Variants in MFSD11 observed in about 807,000 individuals in gnomAD.
The protein encoded by MFSD11 is major facilitator superfamily domain containing 11, also known as UNC93-like protein MFSD11.
MFSD11 carries 36 observed loss-of-function variants against 53.5 expected under a neutral mutation model. The observed-to-expected ratio is 0.67, with a 90% CI of 0.52 to 0.89. MFSD11 has a LOEUF of 0.89. Ranked by LOEUF, MFSD11 falls within the 40% of genes least tolerant of loss-of-function variation. The pLI is 0.00. For synonymous variants in MFSD11, 186 were observed against 184.9 expected (o/e 1.01, Z -0.05); for missense variants, 530 against 543.9 (o/e 0.97, Z 0.25).
chr17:76,780,534 A>G (rs1392073455), downstream of MFSD11, among the ~76,000 whole-genome samples: 3 of 143,924 alleles, frequency 2.1e-5, no homozygotes, highest in Non-Finnish European at 4.5e-5. Flanking sequence ...TTTTTTTTTC[A>G]AGACAGCGTC....
chr17:76,745,778 A>G (rs1242699480), intron 7 of MFSD11, among the ~76,000 whole-genome samples: 1 of 151,916 alleles, frequency 6.6e-6, no homozygotes, highest in East Asian at 1.9e-4. Flanking sequence ...TTAAAGTGAA[A>G]GGAAGACATG....
At chr17:76,740,931 TTTCCG>T (rs1368387193) in intron 2 of MFSD11, 21 bp from the exon 3 acceptor site, 1 of 1,323,516 alleles carries the variant, frequency 7.6e-7, no homozygotes, top group Non-Finnish European at 1.1e-6. Flanking sequence ...TTTTTTTTTT[TTTCCG>T]TTTGTGTATT....
At chr17:76,748,677 C>A (rs2078772300) in intron 7 of MFSD11, among the ~76,000 whole-genome samples, 2 of 150,792 alleles carry the variant, frequency 1.3e-5, no homozygotes, top group African/African-American at 2.4e-5. Context: ...CAGAGCAAGA[C>A]CCTGTCTTAA....
chr17:76,750,871 T>G (rs2078998909), intron 7 of MFSD11, among the ~76,000 whole-genome samples: 1 of 151,210 alleles, frequency 6.6e-6, no homozygotes, highest in Non-Finnish European at 1.5e-5. Flanking sequence ...TGACACGGTC[T>G]AGGCTCACTG....
At chr17:76,799,641 T>C in the MFSD11 span, 1 of 152,242 alleles carries the variant, frequency 6.6e-6, no homozygotes, top group Non-Finnish European at 1.5e-5. Flanking sequence ...CCCAAAGTGC[T>C]GCGATTACAG....
downstream of MFSD11, among the ~76,000 whole-genome samples, chr17:76,783,255 G>T (rs1172473868): frequency 2.6e-5 from 4 of 152,096 alleles, no homozygotes; most frequent in Admixed American, 2.6e-4. Context: ...TTGTAGCTAA[G>T]TAAATGCTGT....
chr17:76,796,107 A>G, the MFSD11 span, among the ~76,000 whole-genome samples: 1 of 152,150 alleles, frequency 6.6e-6, no homozygotes, highest in Non-Finnish European at 1.5e-5. Flanking sequence ...CTGTAGACAC[A>G]TTTATTTTAT....
At position 76,779,206 on chromosome 17, in the gene MFSD11, A is replaced by T. The variant is rs1232364422; in HGVS notation, c.*854A>T. 1 of 147,234 alleles carries T rather than the reference A, an allele frequency of 6.8e-6. No individual in the cohort carries two copies. The highest frequency in any genetic ancestry group is 1.5e-5 in the Non-Finnish European group (1 of 67,218). The allele number at this position is 147,234 out of a possible 1,614,324, so 9.1% of individuals were successfully genotyped here. A position where few individuals can be genotyped will look rare whatever the true frequency, so the allele number is the denominator to read the frequency against. ...GAGGCGGAGGTTGCAGTGAGCCGAG[A>T]TCGTGCCATTGCACTCCAGCCTGGA... On this transcript the variant is annotated 3_prime_UTR_variant, in exon 13 of 13. Coordinates refer to ENST00000685175, the MANE Select transcript of MFSD11 (RefSeq NM_001242532.5).
intron 1 of MFSD11, 89 bp downstream of exon 1, chr17:76,738,537 C>G: frequency 1.1e-6 from 1 of 911,698 alleles, no homozygotes; most frequent in Admixed American, 2.7e-5. Flanking sequence ...TCTAATAGCG[C>G]GCTTTAATTG....
the MFSD11 span, among the ~76,000 whole-genome samples, chr17:76,794,352 C>G: frequency 6.6e-6 from 1 of 150,808 alleles, no homozygotes; most frequent in Non-Finnish European, 1.5e-5. Flanking sequence ...TGGAGCGCAC[C>G]TGTAATCCCA....
chr17:76,741,419 G>A (rs908861534), intron 3 of MFSD11, among the ~76,000 whole-genome samples: 10 of 152,114 alleles, frequency 6.6e-5, no homozygotes, highest in African/African-American at 2.4e-4. Flanking sequence ...TCCATGATGT[G>A]CTAAGCTTTT....
upstream of MFSD11, chr17:76,737,068 C>T: frequency 6.2e-7 from 1 of 1,613,198 alleles, no homozygotes; most frequent in South Asian, 1.1e-5. Context: ...CGAAGACGCG[C>T]CTCAGCGTGT....
At chr17:76,762,986 A>G (rs543993004) in intron 8 of MFSD11, among the ~76,000 whole-genome samples, 44 of 152,162 alleles carry the variant, frequency 2.9e-4, no homozygotes, top group African/African-American at 1.0e-3. Flanking sequence ...CAAACGCCCC[A>G]GGCCTTCCAA....
intron 10 of MFSD11, among the ~76,000 whole-genome samples, chr17:76,772,236 C>A (rs1346489348): frequency 6.6e-6 from 1 of 151,924 alleles, no homozygotes; most frequent in Non-Finnish European, 1.5e-5. Flanking sequence ...GCCTGGGCAA[C>A]ATGGCAAAAC....
chr17:76,779,620 G>A (rs535115861), downstream of MFSD11, among the ~76,000 whole-genome samples: 151 of 152,200 alleles, frequency 9.9e-4, 3 homozygotes, highest in South Asian at 0.028. Context: ...AACTAGCTAG[G>A]ATTACAGGCA....
At chr17:76,765,404 T>C (rs1056065266) in intron 8 of MFSD11, among the ~76,000 whole-genome samples, 5 of 151,892 alleles carry the variant, frequency 3.3e-5, no homozygotes, top group African/African-American at 4.8e-5. Flanking sequence ...TCCTCCAACT[T>C]TGTTACTTTT....
chr17:76,738,959 A>G lies in MFSD11; in HGVS notation c.118A>G (p.Asn40Asp). ...ACAGCAAACTGTCATCAGGAGCTTA[A>G]ATAGGACAGATTTTCACGGCAGTGG... ...NVAQTVIRSL[N>D]RTDFHGSGYT... Residue 40 changes from asparagine to aspartate, a missense_variant, in exon 2 of 13, where the codon AAT (asparagine) becomes GAT (aspartate). Asn to Asp is a conservative substitution (Grantham distance 23). Transcript: ENST00000685175. The G allele has an allele frequency of 6.2e-7, 1 of 1,614,118 alleles. No individual in the cohort carries two copies. Among genetic ancestry groups the G allele is most frequent in the Non-Finnish European group, 8.5e-7 (1 of 1,179,962 alleles).
At chr17:76,767,489 A>C (rs2080956964) in intron 9 of MFSD11, 38 bp downstream of exon 9, 1 of 1,318,590 alleles carries the variant, frequency 7.6e-7, no homozygotes, top group Non-Finnish European at 1.1e-6. Context: ...CTTGCTGCAT[A>C]ATGACAATAA....
At chr17:76,756,898 A>T (rs903597853) in intron 8 of MFSD11, among the ~76,000 whole-genome samples, 3 of 151,942 alleles carry the variant, frequency 2.0e-5, no homozygotes, top group African/African-American at 7.2e-5. Context: ...TATTGATCAC[A>T]GAGGCCAGAG....
Sources: gnomAD v4.1 joint callset for allele counts (sites outside exome capture counted in the v4.1 genomes callset) on GRCh38, gnomAD v4.1.1 for gene constraint, MANE v1.5 for transcripts, NCBI Gene and HGNC (gene_info 2026-07-23, HGNC 2026-07-21) for gene names.